The following MOB1A variants were observed in gnomAD, a reference collection of about 807,000 sequenced individuals.
MOB1A encodes MOB kinase activator 1A, also known as MOB1 Mps One Binder homolog A.
In MOB1A, 10 loss-of-function variants were observed where a neutral mutation model predicts 25.1. That is an observed-to-expected ratio of 0.40 (90% confidence interval 0.25 to 0.68). MOB1A has a LOEUF of 0.68. MOB1A is among the 30% of genes least tolerant of loss of function. The pLI, the probability that MOB1A is intolerant of heterozygous loss-of-function variation, is 0.40. For missense variants in MOB1A, 177 were observed against 256.3 expected, an observed-to-expected ratio of 0.69 and a Z score of 2.11; for synonymous variants, 81 against 79.5, an observed-to-expected ratio of 1.02 and a Z score of -0.10.
chr2:74,164,943 A>T, intron 4 of MOB1A: 1 of 190,922 alleles, frequency 5.2e-6, no homozygotes, highest in Non-Finnish European at 1.1e-5. Flanking sequence ...TGGGGGGAGT[A>T]CATGTTGGTA....
Position 74,170,462 on chromosome 2 carries a change from T to A in MOB1A, c.181+2124A>T, listed in dbSNP as rs1335197194. Among the ~76,000 whole-genome samples, 3 of 152,066 alleles carry A rather than the reference T, an allele frequency of 2.0e-5. No homozygotes were observed. In the East Asian group the frequency reaches 5.8e-4, roughly 29 times the overall value. On this transcript the variant is annotated intron_variant, in intron 2 of 5. Coordinates refer to ENST00000396049, the MANE Select transcript of MOB1A (RefSeq NM_018221.5). ...CTGAATAAAGTTTTTTAAAAAAGGT[T>A]TTTTTTTGGCTGGGTTTTTTCCAGC...
intron 5 of MOB1A, among the ~76,000 whole-genome samples, chr2:74,158,166 C>A (rs778484998): frequency 3.6e-5 from 4 of 111,714 alleles, no homozygotes; most frequent in Non-Finnish European, 3.4e-5. Flanking sequence ...GGCGACAGAG[C>A]AAGACTCTGT....
chr2:74,172,484 T>G, intron 2 of MOB1A, 102 bp downstream of exon 2: 2 of 1,088,714 alleles, frequency 1.8e-6, no homozygotes, highest in Non-Finnish European at 2.6e-6. Flanking sequence ...TACAGATAAT[T>G]TGTTATATTA....
intron 4 of MOB1A, among the ~76,000 whole-genome samples, chr2:74,163,744 A>T (rs2103707981): frequency 6.6e-6 from 1 of 152,346 alleles, no homozygotes; most frequent in South Asian, 2.1e-4. Flanking sequence ...CCCTAGAATA[A>T]AATTAAGAAA....
Position 74,172,955 on chromosome 2 carries a change from G to C in MOB1A, c.15-203C>G. The C allele has an allele frequency of 3.5e-5, 20 of 574,524 alleles. 1 individual carries two copies. The South Asian group carries it at 3.8e-4, about 11-fold the overall frequency. The allele number at this position is 574,524 out of a possible 1,614,324, so 35.6% of individuals were successfully genotyped here. On this transcript the variant is annotated intron_variant, in intron 1 of 5. Transcript: ENST00000396049. The stretch of plus-strand genomic sequence containing the variant: ...GTTCAAGACCAGCCTGACCAACATG[G>C]TGAAACCACACGTCTACTAAAAATA...
chr2:74,172,830 A>G (rs939686276), intron 1 of MOB1A, 78 bp from the exon 2 acceptor site: 3 of 1,408,350 alleles, frequency 2.1e-6, no homozygotes, highest in Non-Finnish European at 2.9e-6. Flanking sequence ...TTTTAGGTAT[A>G]TAAAGTAGCC....
chr2:74,174,847 G>A (rs1431772990), intron 1 of MOB1A, among the ~76,000 whole-genome samples: 1 of 152,202 alleles, frequency 6.6e-6, no homozygotes, highest in Admixed American at 6.5e-5. Flanking sequence ...CTAAGGAGAT[G>A]AATAGGCAAT....
At chr2:74,170,305 A>G (rs929033082) in intron 2 of MOB1A, among the ~76,000 whole-genome samples, 1 of 151,776 alleles carries the variant, frequency 6.6e-6, no homozygotes, top group Non-Finnish European at 1.5e-5. Flanking sequence ...ACCTAGCTAA[A>G]TTTTTGTATT....
intron 3 of MOB1A, among the ~76,000 whole-genome samples, chr2:74,166,554 G>A (rs1411917568): frequency 6.6e-6 from 1 of 152,144 alleles, no homozygotes; most frequent in East Asian, 1.9e-4. Context: ...CTAATAGCTG[G>A]CCAGGTGCAG....
At position 74,178,703 on chromosome 2, in the gene MOB1A, C is replaced by T. The variant is rs1558842375; in HGVS notation, c.-29G>A. ...CGGTCCTCAGAGGGGAGGCGAGGGG[C>T]CCCTGGCCCCCGCCTGGATCAGGAT... On this transcript the variant is annotated 5_prime_UTR_variant, in exon 1 of 6. Transcript: ENST00000396049. The T allele has an allele frequency of 2.4e-6, 3 of 1,275,672 alleles. No homozygotes were observed. Among genetic ancestry groups the T allele is most frequent in the Middle Eastern group, 2.6e-4 (1 of 3,872 alleles). The allele number at this position is 1,275,672 out of a possible 1,614,324, so 79.0% of individuals were successfully genotyped here.
chr2:74,169,715 G>A (rs1343412228), intron 2 of MOB1A, among the ~76,000 whole-genome samples: 4 of 151,312 alleles, frequency 2.6e-5, no homozygotes, highest in Non-Finnish European at 4.4e-5. Context: ...TGCAACCCCC[G>A]TCTCCCAGGT....
intron 3 of MOB1A, among the ~76,000 whole-genome samples, chr2:74,165,761 C>T (rs1315920619): frequency 1.3e-5 from 2 of 152,052 alleles, no homozygotes; most frequent in Admixed American, 1.3e-4. Context: ...TTTTGGGGGC[C>T]AGGTGTTAGA....
intron 3 of MOB1A, among the ~76,000 whole-genome samples, chr2:74,165,918 G>C (rs1477494943): frequency 1.3e-5 from 2 of 151,948 alleles, no homozygotes; most frequent in African/African-American, 2.4e-5. Flanking sequence ...TTTAAAGCTT[G>C]AATAATAAAA....
chr2:74,158,412 T>C (rs112726083), intron 5 of MOB1A, among the ~76,000 whole-genome samples: 2 of 152,284 alleles, frequency 1.3e-5, no homozygotes, highest in African/African-American at 4.8e-5. Flanking sequence ...ATATGCAAAA[T>C]ATAAGTATCT....
rs112886674 is a variant in MOB1A at position 74,162,926 on chromosome 2, T to C, written c.409+2292A>G. On this transcript the variant is annotated intron_variant, in intron 4 of 5. Transcript: ENST00000396049. Reference sequence around the variant, plus strand: ...AAAAATGGAGAAAACCTTATGGTCATAGGCAACAGATACTGGAAAAGCATC... The same window carrying C: ...AAAAATGGAGAAAACCTTATGGTCACAGGCAACAGATACTGGAAAAGCATC... Among the ~76,000 whole-genome samples, 388 of 152,346 alleles carry C rather than the reference T, an allele frequency of 2.5e-3. 1 individual carries two copies. Among genetic ancestry groups the C allele is most frequent in the African/African-American group, 8.9e-3 (370 of 41,588 alleles).
In MOB1A at chr2:74,153,086, G is replaced by A. The variant is rs1452279340; in HGVS notation, c.*3482C>T. The A allele has an allele frequency of 6.6e-6, 1 of 152,086 alleles. No individual in the cohort carries two copies. The highest frequency in any genetic ancestry group is 1.5e-5 in the Non-Finnish European group (1 of 68,014). The allele number at this position is 152,086 out of a possible 1,614,324, so 9.4% of individuals were successfully genotyped here. ...AACTAAATTCCCTTATGGATCTCAG[G>A]GGGAAATAATGTGCCTGTTGAAGGG... On this transcript the variant is annotated 3_prime_UTR_variant, in exon 6 of 6. Coordinates refer to ENST00000396049, the MANE Select transcript of MOB1A (RefSeq NM_018221.5).
rs1692882499 is a variant in MOB1A, at chr2:74,158,987, A to C, written c.573+104T>G. Reference sequence around the variant, plus strand: ...AAACAGAAAAGAGAAGCTTGCCTGTAATTGGCTCTACATCTATAACTAAGA... The same window carrying C: ...AAACAGAAAAGAGAAGCTTGCCTGTCATTGGCTCTACATCTATAACTAAGA... On this transcript the variant is annotated intron_variant, in intron 5 of 5. Coordinates refer to ENST00000396049, the MANE Select transcript of MOB1A (RefSeq NM_018221.5). The C allele has an allele frequency of 3.7e-6, 4 of 1,068,074 alleles. No individual in the cohort carries two copies. The South Asian group carries it at 6.0e-5, about 16-fold the overall frequency. The allele number at this position is 1,068,074 out of a possible 1,614,324, so 66.2% of individuals were successfully genotyped here. A position where few individuals can be genotyped will look rare whatever the true frequency, so the allele number is the denominator to read the frequency against.
intron 5 of MOB1A, among the ~76,000 whole-genome samples, chr2:74,156,977 A>G (rs111736780): frequency 2.0e-5 from 3 of 151,658 alleles, no homozygotes; most frequent in African/African-American, 7.3e-5. Flanking sequence ...ATATTGTGAT[A>G]TAAGTATTTG....
chr2:74,165,162 T>G, intron 4 of MOB1A, 56 bp downstream of exon 4: 1 of 1,352,804 alleles, frequency 7.4e-7, no homozygotes, highest in Non-Finnish European at 9.9e-7. Context: ...ACTCTATTTA[T>G]ATTAATAAAA....
Sources: allele counts gnomAD v4.1 joint callset (sites outside exome capture counted in the v4.1 genomes callset), GRCh38; gene constraint gnomAD v4.1.1; transcripts MANE v1.5; gene names NCBI Gene and HGNC (gene_info 2026-07-23, HGNC 2026-07-21).